Variants in ZP3 observed in about 807,000 individuals in gnomAD.
ZP3 encodes the protein zona pellucida sperm-binding protein 3.
In ZP3, 21 loss-of-function variants were observed where a neutral mutation model predicts 35.6. The observed-to-expected ratio is 0.59, with a 90% CI of 0.42 to 0.85. The LOEUF (loss-of-function observed/expected upper bound fraction) is 0.85, where lower values mean the gene tolerates loss of function less well. Ranked by LOEUF, ZP3 falls within the 40% of genes least tolerant of loss-of-function variation. The pLI is 0.00. For synonymous variants in ZP3, 207 were observed against 214.5 expected (o/e 0.96, Z 0.31); for missense variants, 437 against 536.5 (o/e 0.81, Z 1.83).
At chr7:76,437,720 A>G (rs1304314054) in intron 5 of ZP3, among the ~76,000 whole-genome samples, 9 of 149,548 alleles carry the variant, frequency 6.0e-5, no homozygotes, top group Non-Finnish European at 1.2e-4. Context: ...GCTGGTCTCA[A>G]ACTCCTGACC....
chr7:76,417,613 T>C (rs1190510046), intron 1 of ZP3, among the ~76,000 whole-genome samples: 1 of 148,174 alleles, frequency 6.7e-6, no homozygotes, highest in East Asian at 2.0e-4. Flanking sequence ...ATTCTTTTAT[T>C]CTTTTTTTTT....
chr7:76,425,686 C>T (rs182556477), intron 1 of ZP3, among the ~76,000 whole-genome samples: 46 of 152,196 alleles, frequency 3.0e-4, no homozygotes, highest in Admixed American at 9.8e-4. Flanking sequence ...ACAAGTGGGC[C>T]GGGTGCAGTG....
At chr7:76,411,013 A>AAAAAGAAAAG (rs531248610) in intron 1 of ZP3, among the ~76,000 whole-genome samples, 2 of 131,156 alleles carry the variant, frequency 1.5e-5, no homozygotes, top group African/African-American at 6.2e-5. Flanking sequence ...AAAAAAAAAA[A>AAAAAGAAAAG]AAAAGAAAAG....
intron 1 of ZP3, among the ~76,000 whole-genome samples, chr7:76,419,065 G>A (rs1253345305): frequency 1.3e-5 from 2 of 152,048 alleles, no homozygotes; most frequent in Non-Finnish European, 2.9e-5. Flanking sequence ...GTAAAATGGA[G>A]CAAATAGTGC....
intron 1 of ZP3, among the ~76,000 whole-genome samples, chr7:76,406,546 T>C (rs1301769860): frequency 1.3e-5 from 2 of 151,948 alleles, no homozygotes; most frequent in East Asian, 3.9e-4. Context: ...TGCAGTGGCA[T>C]GATCATGGCT....
At chr7:76,419,617 C>G (rs941521280) in intron 1 of ZP3, among the ~76,000 whole-genome samples, 10 of 151,846 alleles carry the variant, frequency 6.6e-5, no homozygotes, top group Admixed American at 4.6e-4. Context: ...CCCTTCCTTC[C>G]TTCTTTCTTT....
chr7:76,423,059 G>GAAAGAAAC (rs1563695569), upstream of ZP3, among the ~76,000 whole-genome samples: 2 of 146,640 alleles, frequency 1.4e-5, no homozygotes, highest in African/African-American at 5.1e-5. Context: ...AAGAAAGAAA[G>GAAAGAAAC]AAAGAAAGAA....
intron 1 of ZP3, 107 bp downstream of exon 1, chr7:76,425,383 C>T (rs1341742643): frequency 4.0e-6 from 5 of 1,239,230 alleles, no homozygotes; most frequent in Non-Finnish European, 5.5e-6. Flanking sequence ...GGATCCCTCT[C>T]ACTTGTAGGT....
At chr7:76,427,010 G>C (rs542587611) in intron 1 of ZP3, among the ~76,000 whole-genome samples, 3 of 152,168 alleles carry the variant, frequency 2.0e-5, no homozygotes, top group Middle Eastern at 3.4e-3. Flanking sequence ...AGCTACGATT[G>C]TGCCACTGCA....
intron 5 of ZP3, among the ~76,000 whole-genome samples, chr7:76,435,562 T>G (rs1259143674): frequency 1.3e-5 from 2 of 152,260 alleles, no homozygotes; most frequent in Non-Finnish European, 2.9e-5. Flanking sequence ...GGCTCTATAC[T>G]AATCATCTGG....
intron 1 of ZP3, among the ~76,000 whole-genome samples, chr7:76,405,313 A>ATATG (rs1380527133): frequency 4.1e-4 from 14 of 34,362 alleles, no homozygotes; most frequent in East Asian, 1.1e-3. Flanking sequence ...ATATATATAT[A>ATATG]TATGTATTTT....
chr7:76,400,895 G>A, intron 1 of ZP3: 1 of 1,384,106 alleles, frequency 7.2e-7, no homozygotes, highest in Non-Finnish European at 1.0e-6. Context: ...CTGAGATGGG[G>A]GCATCTAGAG....
At position 76,398,309 on chromosome 7, in the gene ZP3, AT is replaced by A. The variant is rs575917641; in HGVS notation, c.-67+530del. 9.7e-3 allele frequency among the ~76,000 whole-genome samples: 1,230 copies of A among 127,178 alleles called. 11 individuals are homozygous for A. The highest frequency in any genetic ancestry group is 0.021 in the African/African-American group (730 of 34,426). The allele number at this position is 127,178 out of a possible 152,430, so 83.4% of individuals were successfully genotyped here. A position where few individuals can be genotyped will look rare whatever the true frequency, so the allele number is the denominator to read the frequency against. On this transcript the variant is annotated intron_variant, in intron 1 of 8. Coordinates refer to the ZP3 transcript ENST00000336517. ...CAGTCTCACCGCCCATTCATTTTCTATTTTTTTTTTTTTTTTTTGAGACAGG... is the reference window on the plus strand; with the variant it reads ...CAGTCTCACCGCCCATTCATTTTCTATTTTTTTTTTTTTTTTTGAGACAGG...
chr7:76,405,248 C>T (rs1412764908), intron 1 of ZP3, among the ~76,000 whole-genome samples: 4 of 101,428 alleles, frequency 3.9e-5, no homozygotes, highest in South Asian at 7.8e-4. Flanking sequence ...GGATTACAGG[C>T]GTGCATCACC....
chr7:76,409,214 A>G (rs139438229), intron 1 of ZP3, among the ~76,000 whole-genome samples: 23 of 152,196 alleles, frequency 1.5e-4, no homozygotes, highest in African/African-American at 5.3e-4. Context: ...GGTGATGGCT[A>G]CAGAATCATA....
At chr7:76,435,221 G>A (rs1563702602) in intron 5 of ZP3, among the ~76,000 whole-genome samples, 3 of 152,400 alleles carry the variant, frequency 2.0e-5, no homozygotes, top group South Asian at 2.1e-4. Flanking sequence ...GTGGGCACCT[G>A]TAGTCCCAGC....
intron 1 of ZP3, among the ~76,000 whole-genome samples, chr7:76,416,890 A>G (rs1805385602): frequency 1.4e-5 from 2 of 141,324 alleles, no homozygotes; most frequent in African/African-American, 5.8e-5. Flanking sequence ...ACATACATAT[A>G]TATACACATA....
chr7:76,425,149 C>T lies in ZP3; in HGVS notation c.185C>T (p.Thr62Ile), dbSNP rs1004255952. The change falls in exon 1 of 8, where the codon ACC becomes ATC. Residue 62 changes from threonine to isoleucine, a missense_variant. Physicochemically the swap from Thr to Ile is moderately conservative, Grantham distance 89. Transcript: ENST00000394857. Reference protein sequence around the residue: ...MVMVSKDLFGTGKLIRAADLT... With the variant: ...MVMVSKDLFGIGKLIRAADLT... ...ATGGTCAGCAAAGACCTTTTTGGCACCGGGAAGCTCATCAGGGCTGCTGAC... is the reference window on the plus strand; with the variant it reads ...ATGGTCAGCAAAGACCTTTTTGGCATCGGGAAGCTCATCAGGGCTGCTGAC... The T allele has an allele frequency of 1.2e-6, 2 of 1,613,886 alleles. No individual in the cohort carries two copies. Among genetic ancestry groups the T allele is most frequent in the Admixed American group, 1.7e-5 (1 of 59,992 alleles).
At chr7:76,431,898 CA>C (rs67914265) in intron 2 of ZP3, among the ~76,000 whole-genome samples, 2,448 of 144,254 alleles carry the variant, frequency 0.017, 73 homozygotes, top group African/African-American at 0.057. Flanking sequence ...GACTCCGTCT[CA>C]AAAAAAAAAA....
Sources: gnomAD v4.1 joint callset for allele counts (sites outside exome capture counted in the v4.1 genomes callset) on GRCh38, gnomAD v4.1.1 for gene constraint, MANE v1.5 for transcripts, NCBI Gene and HGNC (gene_info 2026-07-23, HGNC 2026-07-21) for gene names.